ZBTB40: variants seen among roughly 807,000 people sequenced by gnomAD.
ZBTB40 encodes the protein zinc finger and BTB domain containing 40, also known as zinc finger and BTB domain-containing protein 40.
In ZBTB40, 60 loss-of-function variants were observed where a neutral mutation model predicts 117.5. The observed-to-expected ratio is 0.51, with a 90% CI of 0.41 to 0.63. The LOEUF is 0.63. Ranked by LOEUF, ZBTB40 falls within the 30% of genes least tolerant of loss-of-function variation. ZBTB40 has a pLI of 0.00. For missense variants in ZBTB40, 1,287 were observed against 1,498.5 expected (o/e 0.86, Z 2.33); for synonymous variants, 525 against 577.1 (o/e 0.91, Z 1.29).
rs749186915 is a variant in ZBTB40, at chr1:22,524,408, C to T, written c.3489C>T (p.Ser1163=). Residue 1163 remains serine, a synonymous_variant, in exon 17 of 18, where the codon AGC becomes AGT. Coordinates refer to ENST00000375647, the MANE Select transcript of ZBTB40 (RefSeq NM_014870.4). ...HLESEHPKVM[S]TETQAAASQM... is the part of the protein sequence containing the mutation. Reference sequence around the variant, plus strand: ...AATCTGAGCACCCAAAGGTGATGAGCACGGAAACCCAGGCCGCAGCCTCAC... The same window carrying T: ...AATCTGAGCACCCAAAGGTGATGAGTACGGAAACCCAGGCCGCAGCCTCAC... 8.1e-6 allele frequency: 13 copies of T among 1,614,042 alleles called. No individual in the cohort carries two copies. The highest frequency in any genetic ancestry group is 1.1e-5 in the Non-Finnish European group (13 of 1,180,056).
At position 22,513,164 on chromosome 1, in the gene ZBTB40, C is replaced by CT; in HGVS notation, c.2668+37dup. The CT allele has an allele frequency of 6.2e-7, 1 of 1,603,596 alleles. No individual in the cohort carries two copies. The highest frequency in any genetic ancestry group is 8.5e-7 in the Non-Finnish European group (1 of 1,174,416). ...GGGCACAGTTCATTTCTCCTGCAGACTTTCACTGCGAACTGCCTAAACCCC... is the reference window on the plus strand; with the variant it reads ...GGGCACAGTTCATTTCTCCTGCAGACTTTTCACTGCGAACTGCCTAAACCCC... On this transcript the variant is annotated intron_variant, in intron 12 of 17. Transcript: ENST00000375647. This position sits in a 1 kb window ranked among gnomAD's most constrained non-coding sequence, Gnocchi z 4.9.
chr1:22,512,899 C>T, intron 11 of ZBTB40, 25 bp from the exon 12 acceptor site: 1 of 1,612,964 alleles, frequency 6.2e-7, no homozygotes, highest in Non-Finnish European at 8.5e-7. Context: ...TCTCTTCTGG[C>T]CTCTGGTGTG....
intron 6 of ZBTB40, among the ~76,000 whole-genome samples, chr1:22,507,156 TC>T (rs1639095183): frequency 6.6e-6 from 1 of 152,238 alleles, no homozygotes; most frequent in Non-Finnish European, 1.5e-5. Flanking sequence ...GGCCGCACCC[TC>T]ACTGCACCAT....
At chr1:22,479,826 A>G (rs1224985223) in intron 1 of ZBTB40, among the ~76,000 whole-genome samples, 4 of 152,052 alleles carry the variant, frequency 2.6e-5, no homozygotes, top group African/African-American at 7.2e-5. Context: ...TTTCTTCCTA[A>G]TCACACATTT....
At chr1:22,459,331 T>C (rs1641078827) in intron 1 of ZBTB40, among the ~76,000 whole-genome samples, 1 of 152,214 alleles carries the variant, frequency 6.6e-6, no homozygotes, top group African/African-American at 2.4e-5. Context: ...AGGCTTATGA[T>C]TTCACTTTTT....
chr1:22,499,140 C>G (rs1638857555), intron 3 of ZBTB40, among the ~76,000 whole-genome samples: 1 of 152,252 alleles, frequency 6.6e-6, no homozygotes, highest in Non-Finnish European at 1.5e-5. Flanking sequence ...TAAGCCCACT[C>G]TCATGGCTAT....
rs574118956 is a variant in ZBTB40 at position 22,509,254 on chromosome 1, G to A, written c.1833+21G>A. The A allele has an allele frequency of 2.2e-5, 36 of 1,614,010 alleles. No homozygotes were observed. The Middle Eastern group carries it at 2.0e-3, about 89-fold the overall frequency. ...AAGAGGTGTGGTGGGAATAAAAAGCGAAATGCCAGAGAGTTTTACAGTTGT... is the reference window on the plus strand; with the variant it reads ...AAGAGGTGTGGTGGGAATAAAAAGCAAAATGCCAGAGAGTTTTACAGTTGT... On this transcript the variant is annotated intron_variant, in intron 9 of 17. Transcript: ENST00000375647.
intron 17 of ZBTB40, among the ~76,000 whole-genome samples, chr1:22,524,809 C>T (rs1639633570): frequency 6.6e-6 from 1 of 152,214 alleles, no homozygotes; most frequent in Non-Finnish European, 1.5e-5. Flanking sequence ...GCTTGGAGAG[C>T]GCCTCTGGGC....
chr1:22,486,267 G>A (rs1638462915), intron 1 of ZBTB40, among the ~76,000 whole-genome samples: 1 of 152,190 alleles, frequency 6.6e-6, no homozygotes, highest in Non-Finnish European at 1.5e-5. Context: ...GTGAGCTTGT[G>A]CCCCTGGGCT....
At chr1:22,463,915 T>G (rs1026093116) in intron 1 of ZBTB40, among the ~76,000 whole-genome samples, 6 of 152,394 alleles carry the variant, frequency 3.9e-5, no homozygotes, top group Middle Eastern at 3.4e-3. Context: ...ATGGTTATTA[T>G]AGGCACATCA....
At chr1:22,451,558 T>C (rs936195649), upstream of ZBTB40, among the ~76,000 whole-genome samples, 2 of 150,318 alleles carry the variant, frequency 1.3e-5, no homozygotes, top group African/African-American at 4.9e-5. Context: ...GGCAGGAGAA[T>C]CGCTTGAACC....
At position 22,511,908 on chromosome 1, in the gene ZBTB40, C is replaced by T; in HGVS notation, c.2235C>T (p.Phe745=). Residue 745 remains phenylalanine (F), a synonymous_variant, in exon 11 of 18, where the codon TTC becomes TTT. Transcript: ENST00000375647. ...SFICKACDKS[F]HFYCRLKVHM... ...TCTGTAAGGCCTGCGACAAAAGCTTCCATTTCTACTGCCGCCTAAAGGTGC... is the reference window on the plus strand; with the variant it reads ...TCTGTAAGGCCTGCGACAAAAGCTTTCATTTCTACTGCCGCCTAAAGGTGC... 6.2e-7 allele frequency: 1 copy of T among 1,614,224 alleles called. No homozygotes were observed. The highest frequency in any genetic ancestry group is 8.5e-7 in the Non-Finnish European group (1 of 1,180,046).
intron 1 of ZBTB40, among the ~76,000 whole-genome samples, chr1:22,440,346 T>G (rs150758290): frequency 2.0e-5 from 3 of 152,354 alleles, no homozygotes; most frequent in Admixed American, 2.0e-4. Context: ...TGACTAAAAC[T>G]TCTAATACTA....
At chr1:22,483,640 T>C (rs1181733590) in intron 1 of ZBTB40, among the ~76,000 whole-genome samples, 1 of 152,244 alleles carries the variant, frequency 6.6e-6, no homozygotes. Context: ...GGTTGTTTTC[T>C]TATTGTTGAG....
At chr1:22,454,177 T>C (rs1183039780) in intron 1 of ZBTB40, among the ~76,000 whole-genome samples, 1 of 152,170 alleles carries the variant, frequency 6.6e-6, no homozygotes, top group Non-Finnish European at 1.5e-5. Flanking sequence ...GGTCTTGAAG[T>C]CTTGACCTCA....
intron 1 of ZBTB40, among the ~76,000 whole-genome samples, chr1:22,476,239 C>A (rs2124411303): frequency 6.6e-6 from 1 of 152,238 alleles, no homozygotes; most frequent in Middle Eastern, 3.4e-3. Flanking sequence ...CTCAAAGTTT[C>A]TTTTGAGACA....
intron 1 of ZBTB40, among the ~76,000 whole-genome samples, chr1:22,467,317 C>T (rs536409289): frequency 3.9e-5 from 6 of 152,204 alleles, no homozygotes; most frequent in Admixed American, 2.6e-4. Context: ...TGCAAATTCT[C>T]GAGTCTCTAA....
intron 1 of ZBTB40, among the ~76,000 whole-genome samples, chr1:22,485,937 A>G (rs1482766540): frequency 1.3e-5 from 2 of 150,770 alleles, no homozygotes; most frequent in Non-Finnish European, 3.0e-5. Context: ...TTATCCATCT[A>G]TTCTTACATG....
chr1:22,511,748 A>G lies in ZBTB40; in HGVS notation c.2075A>G (p.Asn692Ser). 6.2e-7 allele frequency: 1 copy of G among 1,608,824 alleles called. No homozygotes were observed. The highest frequency in any genetic ancestry group is 8.5e-7 in the Non-Finnish European group (1 of 1,178,600). ...VSNKFHLEAN[N>S]KEDEKAAKED... Reference sequence around the variant, plus strand: ...AATAAATTTCACCTTGAAGCCAACAACAAAGAAGATGAAAAGGCAGCCAAA... The same window carrying G: ...AATAAATTTCACCTTGAAGCCAACAGCAAAGAAGATGAAAAGGCAGCCAAA... Residue 692 changes from asparagine to serine, a missense_variant, in exon 11 of 18, where the codon AAC (asparagine) becomes AGC (serine). Coordinates refer to ENST00000375647, the MANE Select transcript of ZBTB40 (RefSeq NM_014870.4).
Sources: allele counts gnomAD v4.1 joint callset (sites outside exome capture counted in the v4.1 genomes callset), GRCh38; gene constraint gnomAD v4.1.1; non-coding constraint Gnocchi (gnomAD v3.1); transcripts MANE v1.5; gene names NCBI Gene and HGNC (gene_info 2026-07-23, HGNC 2026-07-21).